NINL: variants seen among roughly 807,000 people sequenced by gnomAD.
The protein encoded by NINL is ninein-like protein.
A neutral mutation model predicts 160.3 loss-of-function variants in NINL; 153 were observed. That is an observed-to-expected ratio of 0.95 (90% CI 0.84 to 1.09). NINL has a LOEUF of 1.09. Ranked by LOEUF, NINL falls within the 50% of genes least tolerant of loss-of-function variation. NINL has a pLI of 0.00. For missense variants in NINL, 1,829 were observed against 1,764.0 expected, an observed-to-expected ratio of 1.04 and a Z score of -0.66; for synonymous variants, 800 against 734.8, an observed-to-expected ratio of 1.09 and a Z score of -1.43.
intron 1 of NINL, among the ~76,000 whole-genome samples, chr20:25,581,701 C>T (rs2065177002): frequency 1.3e-5 from 2 of 152,182 alleles, no homozygotes; most frequent in African/African-American, 4.8e-5. Context: ...GAGAAAATAG[C>T]AAGCCTTCTC....
Position 25,498,314 on chromosome 20 carries a change from G to T in NINL, c.1065C>A (p.Asn355Lys). Residue 355 changes from asparagine to lysine, a missense_variant, in exon 9 of 24, where the codon AAC (asparagine) becomes AAA (lysine). Transcript: ENST00000278886. ...SLDFSVDEKVNLLELTWALDN... is the reference protein window; with the variant it reads ...SLDFSVDEKVKLLELTWALDN... ...CAAGGGCCCAGGTCAGCTCCAGAAGGTTCACCTTCTCGTCCACGCTGAAGT... is the reference window on the plus strand; with the variant it reads ...CAAGGGCCCAGGTCAGCTCCAGAAGTTTCACCTTCTCGTCCACGCTGAAGT... The T allele has an allele frequency of 1.2e-6, 2 of 1,613,216 alleles. No individual in the cohort carries two copies. Among genetic ancestry groups the T allele is most frequent in the East Asian group, 2.2e-5 (1 of 44,880 alleles).
At position 25,481,978 on chromosome 20, in the gene NINL, G is replaced by T. The variant is rs199654984; in HGVS notation, c.1800C>A (p.Leu600=). 3 of 1,597,084 alleles carry T rather than the reference G, an allele frequency of 1.9e-6. No homozygotes were observed. The highest frequency in any genetic ancestry group is 1.3e-5 in the African/African-American group (1 of 74,914). ...GGGACGGGCTCCTACCTGCTGGGCCGAGTCCAGGGAGCTGCCGTCTGCGCC... is the reference window on the plus strand; with the variant it reads ...GGGACGGGCTCCTACCTGCTGGGCCTAGTCCAGGGAGCTGCCGTCTGCGCC... ...PDGRRRQLPG[L]GPAGISFLGN... The change falls in exon 14 of 24, where the codon CTC becomes CTA. Residue 600 remains leucine, a synonymous_variant. Coordinates refer to ENST00000278886, the MANE Select transcript of NINL (RefSeq NM_025176.6).
chr20:25,489,025 C>T (rs1278545083), intron 13 of NINL: 1 of 570,976 alleles, frequency 1.8e-6, no homozygotes, highest in South Asian at 2.1e-5. Context: ...GACAACAATG[C>T]CCTGCATGGT....
intron 13 of NINL, 125 bp downstream of exon 13, chr20:25,489,119 G>A: frequency 1.1e-6 from 1 of 943,702 alleles, no homozygotes; most frequent in East Asian, 2.4e-5. Flanking sequence ...CAAGGCCATG[G>A]TCAAGCATGG....
chr20:25,558,556 T>C (rs1358727038), intron 1 of NINL, among the ~76,000 whole-genome samples: 3 of 152,268 alleles, frequency 2.0e-5, no homozygotes, highest in Non-Finnish European at 4.4e-5. Context: ...CAAATGGTCA[T>C]GTCTTCCCAA....
intron 1 of NINL, among the ~76,000 whole-genome samples, chr20:25,562,840 T>G (rs1297701210): frequency 6.6e-6 from 1 of 150,594 alleles, no homozygotes. Flanking sequence ...GAGGGAAAAC[T>G]GGAGTTTCAG....
chr20:25,476,687 C>A lies in NINL; in HGVS notation c.2604G>T (p.Glu868Asp), dbSNP rs1568871714. 5 of 1,593,880 alleles carry A rather than the reference C, an allele frequency of 3.1e-6. No individual in the cohort carries two copies. The African/African-American group carries it at 4.0e-5, about 13-fold the overall frequency. The change falls in exon 17 of 24, where the codon GAG becomes GAT. Residue 868 changes from glutamate (E) to aspartate (D), a missense_variant. Coordinates refer to ENST00000278886, the MANE Select transcript of NINL (RefSeq NM_025176.6). The stretch of plus-strand genomic sequence containing the variant: ...GCCCGGCTCCTGCCGCCTCCTCAGA[C>A]TCTCTGCCATCACCTGGGGCCAGCC... ...LAWLAPGDGRESEEAAGAGPR... is the reference protein window; with the variant it reads ...LAWLAPGDGRDSEEAAGAGPR...
intron 2 of NINL, among the ~76,000 whole-genome samples, chr20:25,518,255 C>T (rs149255372): frequency 7.7e-4 from 118 of 152,298 alleles, no homozygotes; most frequent in African/African-American, 2.7e-3. Context: ...ACAGCTTCCT[C>T]GCTTTTCTAG....
chr20:25,490,643 C>A (rs2063610837), intron 11 of NINL, among the ~76,000 whole-genome samples: 1 of 151,936 alleles, frequency 6.6e-6, no homozygotes, highest in Non-Finnish European at 1.5e-5. Context: ...CCTTCCAGAG[C>A]CATTCCTGAA....
chr20:25,582,081 C>T (rs1053694401), intron 1 of NINL, among the ~76,000 whole-genome samples: 3 of 151,934 alleles, frequency 2.0e-5, no homozygotes, highest in Non-Finnish European at 1.5e-5. Flanking sequence ...CATGGTGAAA[C>T]CCCGTCTCTA....
chr20:25,474,955 G>A (rs1396811009), intron 17 of NINL, among the ~76,000 whole-genome samples: 2 of 151,584 alleles, frequency 1.3e-5, no homozygotes, highest in Non-Finnish European at 2.9e-5. Context: ...ACTAATTTTT[G>A]TATTTTTAGT....
chr20:25,465,336 A>G (rs982009360), intron 19 of NINL, among the ~76,000 whole-genome samples: 1 of 152,152 alleles, frequency 6.6e-6, no homozygotes, highest in African/African-American at 2.4e-5. Context: ...AGCCTCCAGA[A>G]GCCTCTTCCA....
At chr20:25,529,545 G>C (rs2064418287) in intron 1 of NINL, among the ~76,000 whole-genome samples, 1 of 152,192 alleles carries the variant, frequency 6.6e-6, no homozygotes, top group Admixed American at 6.5e-5. Context: ...GCGAAGACGA[G>C]TGAACTGTGA....
intron 17 of NINL, among the ~76,000 whole-genome samples, chr20:25,473,433 T>C (rs948741936): frequency 1.3e-5 from 2 of 149,402 alleles, no homozygotes; most frequent in Non-Finnish European, 1.5e-5. Context: ...CTGGGCAAAA[T>C]AGTGAGAGAC....
chr20:25,470,614 C>T (rs891252633), intron 17 of NINL, among the ~76,000 whole-genome samples: 2 of 152,168 alleles, frequency 1.3e-5, no homozygotes, highest in African/African-American at 4.8e-5. Flanking sequence ...TCTGCCTGGG[C>T]CGTCTTTGTT....
At chr20:25,514,263 C>G (rs1315403440) in intron 3 of NINL, among the ~76,000 whole-genome samples, 1 of 152,210 alleles carries the variant, frequency 6.6e-6, no homozygotes, top group African/African-American at 2.4e-5. Flanking sequence ...GGCTTGCACC[C>G]TCTGGAACAA....
chr20:25,564,805 TAAA>T (rs11411276), intron 1 of NINL, among the ~76,000 whole-genome samples: 1 of 142,776 alleles, frequency 7.0e-6, no homozygotes, highest in Non-Finnish European at 1.5e-5. Flanking sequence ...TCCCCACAAT[TAAA>T]AAAAAAAAAA....
intron 1 of NINL, among the ~76,000 whole-genome samples, chr20:25,563,780 G>T (rs2064970830): frequency 6.6e-6 from 1 of 152,122 alleles, no homozygotes; most frequent in Admixed American, 6.5e-5. Context: ...CAGAAATAAA[G>T]CAGGACATTA....
chr20:25,455,885 G>C, intron 22 of NINL, 99 bp from the exon 23 acceptor site: 1 of 891,746 alleles, frequency 1.1e-6, no homozygotes, highest in Non-Finnish European at 1.8e-6. Flanking sequence ...CTGAGGTCAG[G>C]AGTTTGAGAC....
Sources: gnomAD v4.1 joint callset for allele counts (sites outside exome capture counted in the v4.1 genomes callset) on GRCh38, gnomAD v4.1.1 for gene constraint, MANE v1.5 for transcripts, NCBI Gene and HGNC (gene_info 2026-07-23, HGNC 2026-07-21) for gene names.